The following RBFOX1 variants were observed in gnomAD, a reference collection of about 807,000 sequenced individuals.
RBFOX1 encodes RNA binding protein fox-1 homolog 1.
In RBFOX1, 8 loss-of-function variants were observed where a neutral mutation model predicts 57.7. The observed-to-expected ratio is 0.14, with a 90% CI of 0.08 to 0.25. RBFOX1 has a LOEUF of 0.25. Ranked by LOEUF, RBFOX1 falls within the 10% of genes least tolerant of loss-of-function variation. The pLI, the probability that RBFOX1 is intolerant of heterozygous loss-of-function variation, is 1.00. For missense variants in RBFOX1, 611 were observed against 548.5 expected (o/e 1.11, Z -1.14); for synonymous variants, 326 against 222.4 (o/e 1.47, Z -4.15).
At chr16:7,173,431 TGACTCTG>T (rs2081085005) in intron 4 of RBFOX1, among the ~76,000 whole-genome samples, 1 of 152,214 alleles carries the variant, frequency 6.6e-6, no homozygotes, top group Non-Finnish European at 1.5e-5. Context: ...GTGCATTCAG[TGACTCTG>T]AAAGGGAGGC....
intron 3 of RBFOX1, among the ~76,000 whole-genome samples, chr16:5,647,896 G>T (rs1447891569): frequency 2.0e-5 from 3 of 152,120 alleles, no homozygotes; most frequent in Non-Finnish European, 4.4e-5. Flanking sequence ...GTTTCATTCT[G>T]TCACTCAGCC....
chr16:6,959,758 G>A (rs751053106), intron 3 of RBFOX1, among the ~76,000 whole-genome samples: 1 of 152,112 alleles, frequency 6.6e-6, no homozygotes, highest in African/African-American at 2.4e-5. Context: ...CCAACATGGT[G>A]AAACCCCGTT....
intron 1 of RBFOX1, among the ~76,000 whole-genome samples, chr16:5,370,461 T>TG (rs1475040332): frequency 3.7e-5 from 2 of 54,096 alleles, no homozygotes; most frequent in Non-Finnish European, 9.2e-5. Flanking sequence ...AGCCTCCTCC[T>TG]CTTTTTTTTT....
intron 3 of RBFOX1, among the ~76,000 whole-genome samples, chr16:6,713,570 C>T (rs1169766353): frequency 6.6e-6 from 1 of 152,056 alleles, no homozygotes; most frequent in Non-Finnish European, 1.5e-5. Flanking sequence ...CAAATCTCTC[C>T]AGATATTTTC....
At chr16:5,417,884 C>A (rs936375235) in intron 1 of RBFOX1, among the ~76,000 whole-genome samples, 1 of 152,106 alleles carries the variant, frequency 6.6e-6, no homozygotes, top group African/African-American at 2.4e-5. Flanking sequence ...AGTTTGAGAT[C>A]ATCCTGGCGA....
At chr16:6,754,131 C>A (rs184013864) in intron 3 of RBFOX1, among the ~76,000 whole-genome samples, 1 of 152,158 alleles carries the variant, frequency 6.6e-6, no homozygotes, top group Non-Finnish European at 1.5e-5. Flanking sequence ...CATTTCACTT[C>A]ATATTATGAC....
intron 1 of RBFOX1, among the ~76,000 whole-genome samples, chr16:6,116,485 A>G (rs1043544761): frequency 1.3e-5 from 2 of 152,214 alleles, no homozygotes; most frequent in African/African-American, 4.8e-5. Context: ...AGATACTACC[A>G]TGCATTGCAG....
At chr16:6,517,408 C>T (rs1053133145) in intron 2 of RBFOX1, among the ~76,000 whole-genome samples, 1 of 152,130 alleles carries the variant, frequency 6.6e-6, no homozygotes, top group Non-Finnish European at 1.5e-5. Context: ...CAGTTTATTA[C>T]TCCCTGAAGT....
At chr16:6,558,294 T>G (rs1246639002) in intron 2 of RBFOX1, among the ~76,000 whole-genome samples, 1 of 152,082 alleles carries the variant, frequency 6.6e-6, no homozygotes, top group East Asian at 1.9e-4. Context: ...AAATCGAGAA[T>G]AAGAAAGAGG....
At position 6,740,081 on chromosome 16, in the gene RBFOX1, G is replaced by A. The variant is rs138215309; in HGVS notation, c.-16+85431G>A. Among the ~76,000 whole-genome samples the A allele has an allele frequency of 9.4e-3, 1,423 of 152,142 alleles. 19 individuals carry two copies. The highest frequency in any genetic ancestry group is 0.014 in the Non-Finnish European group (942 of 67,976). On this transcript the variant is annotated intron_variant, in intron 3 of 15. Transcript: ENST00000550418. ...AGACTTATGCACCCCAACCTAATGA[G>A]GAATAGTCCAGTAATACAATACTAA...
At chr16:6,927,011 C>G (rs952715116) in intron 3 of RBFOX1, among the ~76,000 whole-genome samples, 13 of 152,252 alleles carry the variant, frequency 8.5e-5, no homozygotes, top group African/African-American at 2.6e-4. Flanking sequence ...AATTGCTACT[C>G]AACCAGCGAT....
At chr16:5,958,979 A>C (rs1326923804) in intron 4 of RBFOX1, among the ~76,000 whole-genome samples, 1 of 152,188 alleles carries the variant, frequency 6.6e-6, no homozygotes, top group Non-Finnish European at 1.5e-5. Context: ...ATATAAAATG[A>C]CATATTTGCA....
At chr16:7,068,409 C>G (rs1311803449) in intron 4 of RBFOX1, among the ~76,000 whole-genome samples, 1 of 152,130 alleles carries the variant, frequency 6.6e-6, no homozygotes, top group Non-Finnish European at 1.5e-5. Context: ...GAACTACCAT[C>G]CAAGGTAGCC....
At chr16:5,620,153 A>G (rs1263000297) in intron 3 of RBFOX1, among the ~76,000 whole-genome samples, 1 of 152,118 alleles carries the variant, frequency 6.6e-6, no homozygotes, top group East Asian at 1.9e-4. Flanking sequence ...AGGCTGCTGG[A>G]ACCCGAGGAG....
chr16:7,087,479 G>A (rs1041109190), intron 4 of RBFOX1, among the ~76,000 whole-genome samples: 5 of 151,296 alleles, frequency 3.3e-5, no homozygotes, highest in South Asian at 2.1e-4. Context: ...TCATTAAACA[G>A]CCAAACCAAG....
chr16:6,116,274 TG>T (rs2096495057), intron 1 of RBFOX1, among the ~76,000 whole-genome samples: 2 of 122,944 alleles, frequency 1.6e-5, no homozygotes, highest in South Asian at 5.4e-4. Context: ...TGTCAGGGGG[TG>T]GGGGGCAGGG....
intron 1 of RBFOX1, among the ~76,000 whole-genome samples, chr16:6,304,674 G>A (rs1358058877): frequency 6.6e-6 from 1 of 152,004 alleles, no homozygotes; most frequent in Non-Finnish European, 1.5e-5. Context: ...CTTGATGCCA[G>A]GAGTTCAAGA....
At chr16:5,837,083 C>CA (rs1346904606) in intron 3 of RBFOX1, among the ~76,000 whole-genome samples, 2 of 152,072 alleles carry the variant, frequency 1.3e-5, no homozygotes, top group Non-Finnish European at 2.9e-5. Flanking sequence ...TCTTAGGGGA[C>CA]ACTCATTCAT....
chr16:6,500,882 T>TGTTTGTTTGTTTG (rs1355896716), intron 2 of RBFOX1, among the ~76,000 whole-genome samples: 23 of 135,220 alleles, frequency 1.7e-4, no homozygotes, highest in South Asian at 8.0e-4. Context: ...AGTAGTTTTT[T>TGTTTGTTTGTTTG]TTTTTTTTTT....
Sources: allele counts gnomAD v4.1 joint callset (sites outside exome capture counted in the v4.1 genomes callset), GRCh38; gene constraint gnomAD v4.1.1; transcripts MANE v1.5; gene names NCBI Gene and HGNC (gene_info 2026-07-23, HGNC 2026-07-21).